DPP6: variants seen among roughly 807,000 people sequenced by gnomAD.
DPP6 encodes A-type potassium channel modulatory protein DPP6.
In DPP6, 69 loss-of-function variants were observed where a neutral mutation model predicts 122.6. The ratio of observed to expected loss-of-function variants is 0.56; its 90% confidence interval spans 0.46 to 0.69. DPP6 has a LOEUF of 0.69. Ranked by LOEUF, DPP6 falls within the 30% of genes least tolerant of loss-of-function variation. The pLI, the probability that DPP6 is intolerant of heterozygous loss-of-function variation, is 0.00. For synonymous variants in DPP6, 418 were observed against 433.1 expected, an observed-to-expected ratio of 0.97 and a Z score of 0.43; for missense variants, 928 against 1,116.9, an observed-to-expected ratio of 0.83 and a Z score of 2.41.
At chr7:154,506,466 T>A (rs1197631504) in intron 3 of DPP6, among the ~76,000 whole-genome samples, 2 of 152,196 alleles carry the variant, frequency 1.3e-5, no homozygotes, top group Non-Finnish European at 2.9e-5. Context: ...AATACAACTA[T>A]CTTAAAAAGA....
chr7:154,628,169 C>T lies in DPP6; in HGVS notation c.628-9652C>T, dbSNP rs185344354. 5.8e-3 allele frequency among the ~76,000 whole-genome samples: 888 copies of T among 152,294 alleles called. 4 individuals carry two copies. Among genetic ancestry groups the T allele is most frequent in the South Asian group, 0.024 (117 of 4,834 alleles). On this transcript the variant is annotated intron_variant, in intron 5 of 25. Transcript: ENST00000377770. ...GAATGCACCAACAAATGGCTTCCAT[C>T]CTTCTATTAACAGGGGCTGTTGAGC...
intron 1 of DPP6, among the ~76,000 whole-genome samples, chr7:154,354,648 T>A (rs1009617725): frequency 6.6e-6 from 1 of 152,228 alleles, no homozygotes; most frequent in Admixed American, 6.5e-5. Context: ...AATCATGCAA[T>A]ACATATTCGT....
intron 11 of DPP6, among the ~76,000 whole-genome samples, 163 bp downstream of exon 11, chr7:154,794,365 G>A (rs1436692954): frequency 6.6e-6 from 1 of 152,210 alleles, no homozygotes; most frequent in Non-Finnish European, 1.5e-5. Context: ...CTCCGGCGTG[G>A]CTGCCACCTC....
At chr7:153,776,390 C>T in the DPP6 span, among the ~76,000 whole-genome samples, 1 of 152,212 alleles carries the variant, frequency 6.6e-6, no homozygotes, top group South Asian at 2.1e-4. Context: ...TTATATGGGG[C>T]TTTTCCCCCT....
chr7:153,774,415 T>C, the DPP6 span, among the ~76,000 whole-genome samples: 2 of 152,164 alleles, frequency 1.3e-5, no homozygotes, highest in Non-Finnish European at 2.9e-5. Flanking sequence ...AAATCAGCAG[T>C]GTCTTTGTGT....
intron 1 of DPP6, among the ~76,000 whole-genome samples, chr7:154,257,522 C>T (rs914579058): frequency 6.6e-6 from 1 of 151,934 alleles, no homozygotes; most frequent in Non-Finnish European, 1.5e-5. Flanking sequence ...TGGCAAAACT[C>T]CATCTCTACT....
At chr7:154,552,497 A>T (rs1270014901) in intron 4 of DPP6, among the ~76,000 whole-genome samples, 1 of 152,222 alleles carries the variant, frequency 6.6e-6, no homozygotes, top group Non-Finnish European at 1.5e-5. Context: ...TGTACCACCC[A>T]GCAGGGGCGT....
chr7:154,808,065 G>T (rs955806077), intron 16 of DPP6, among the ~76,000 whole-genome samples: 1 of 152,160 alleles, frequency 6.6e-6, no homozygotes, highest in Non-Finnish European at 1.5e-5. Flanking sequence ...AAATATGGTC[G>T]TAACAAAATA....
At chr7:154,232,801 A>G in intron 1 of DPP6, among the ~76,000 whole-genome samples, 1 of 152,210 alleles carries the variant, frequency 6.6e-6, no homozygotes, top group East Asian at 1.9e-4. Context: ...TGCCAAGCAT[A>G]GGGAAGGCAG....
upstream of DPP6, among the ~76,000 whole-genome samples, chr7:153,885,660 AG>A (rs1411167156): frequency 6.6e-6 from 1 of 152,188 alleles, no homozygotes; most frequent in African/African-American, 2.4e-5. Context: ...GCCAGAAGAC[AG>A]TAAGACAAAT....
chr7:154,137,658 T>TGGGGGGGGGGGGGGGG (rs1163077821), intron 1 of DPP6, among the ~76,000 whole-genome samples: 1 of 48,384 alleles, frequency 2.1e-5, no homozygotes. Context: ...GGTGGGGGGG[T>TGGGGGGGGGGGGGGGG]GGGGGGGGTG....
the DPP6 span, among the ~76,000 whole-genome samples, chr7:153,776,882 G>A: frequency 1.3e-5 from 2 of 152,172 alleles, no homozygotes; most frequent in African/African-American, 4.8e-5. Flanking sequence ...AGCAATATTC[G>A]TAAAAGGAAA....
Position 154,769,548 on chromosome 7 carries a change from G to C in DPP6, c.1015G>C (p.Val339Leu). 1 of 1,609,874 alleles carries C rather than the reference G, an allele frequency of 6.2e-7. No individual in the cohort carries two copies. The highest frequency in any genetic ancestry group is 8.5e-7 in the Non-Finnish European group (1 of 1,177,394). ...PTYTGSIYPTVKPYHYPKAGS... is the reference protein window; with the variant it reads ...PTYTGSIYPTLKPYHYPKAGS... ...TTACACCGGCTCCATCTACCCCACC[G>C]TGAAGCCCTACCACTATCCCAAGGT... Residue 339 changes from valine (V) to leucine (L), a missense_variant, in exon 9 of 26, where the codon GTG (valine) becomes CTG (leucine). Transcript: ENST00000377770.
chr7:154,869,512 C>T (rs1183643083), intron 18 of DPP6, among the ~76,000 whole-genome samples: 1 of 152,248 alleles, frequency 6.6e-6, no homozygotes, highest in African/African-American at 2.4e-5. Flanking sequence ...GGTGGGCTCA[C>T]AAGAGGAGAC....
intron 10 of DPP6, among the ~76,000 whole-genome samples, chr7:154,779,072 T>A (rs1469404832): frequency 1.6e-5 from 2 of 127,190 alleles, no homozygotes; most frequent in African/African-American, 3.1e-5. Flanking sequence ...CACCATCACC[T>A]CCATCACCTC....
At chr7:153,858,757 T>G in the DPP6 span, among the ~76,000 whole-genome samples, 1 of 152,246 alleles carries the variant, frequency 6.6e-6, no homozygotes, top group East Asian at 1.9e-4. Flanking sequence ...GATGAGATTT[T>G]TATTTCCTTT....
At chr7:154,539,591 C>A (rs908647794) in intron 3 of DPP6, among the ~76,000 whole-genome samples, 7 of 151,312 alleles carry the variant, frequency 4.6e-5, no homozygotes, top group Non-Finnish European at 7.4e-5. Flanking sequence ...TGTAACAAAC[C>A]TGCATGTTGT....
chr7:154,216,880 G>A (rs1297223919), intron 1 of DPP6, among the ~76,000 whole-genome samples: 4 of 138,492 alleles, frequency 2.9e-5, no homozygotes, highest in Non-Finnish European at 6.1e-5. Flanking sequence ...ATATGTTAAA[G>A]CTTAAATTCA....
chr7:154,869,982 G>A (rs371366351), intron 18 of DPP6, among the ~76,000 whole-genome samples: 1 of 151,514 alleles, frequency 6.6e-6, no homozygotes, highest in African/African-American at 2.4e-5. Flanking sequence ...GAATAATTTT[G>A]TGTGTGTCTG....
Sources: allele counts gnomAD v4.1 joint callset (sites outside exome capture counted in the v4.1 genomes callset), GRCh38; gene constraint gnomAD v4.1.1; transcripts MANE v1.5; gene names NCBI Gene and HGNC (gene_info 2026-07-23, HGNC 2026-07-21).